Variants in CCDC91 observed in about 807,000 individuals in gnomAD.
The protein encoded by CCDC91 is coiled-coil domain-containing protein 91.
Under a neutral mutation model 63.2 loss-of-function variants are expected in CCDC91, and 48 were observed. The observed-to-expected ratio is 0.76, with a 90% CI of 0.60 to 0.97. The LOEUF is 0.97. CCDC91 is among the 50% of genes least tolerant of loss of function. The probability of loss-of-function intolerance (pLI) is 0.00; values close to 1 mark genes in which losing one functional copy is unlikely to be tolerated. For synonymous variants in CCDC91, 167 were observed against 165.8 expected, an observed-to-expected ratio of 1.01 and a Z score of -0.06; for missense variants, 500 against 494.6, an observed-to-expected ratio of 1.01 and a Z score of -0.10.
chr12:28,529,109 C>T (rs1257622800), intron 12 of CCDC91, among the ~76,000 whole-genome samples: 4 of 152,086 alleles, frequency 2.6e-5, no homozygotes, highest in African/African-American at 9.7e-5. Flanking sequence ...AGAGATTATG[C>T]TTCCTACTTT....
At chr12:28,315,818 T>A (rs1029884382) in intron 6 of CCDC91, among the ~76,000 whole-genome samples, 3 of 151,726 alleles carry the variant, frequency 2.0e-5, no homozygotes, top group African/African-American at 7.3e-5. Flanking sequence ...TTTTTTTTTT[T>A]AATCCTTGTA....
intron 6 of CCDC91, among the ~76,000 whole-genome samples, chr12:28,357,847 C>T (rs2138434449): frequency 6.6e-6 from 1 of 152,220 alleles, no homozygotes; most frequent in African/African-American, 2.4e-5. Context: ...TTGCTTTTGT[C>T]ATCTCTTTCT....
At position 28,202,573 on chromosome 12, in the gene CCDC91, A is replaced by G. The variant is rs113472764; in HGVS notation, c.-15+11932A>G. Among the ~76,000 whole-genome samples the G allele has an allele frequency of 1.0e-3, 158 of 152,330 alleles. 1 individual carries two copies. The highest frequency in any genetic ancestry group is 3.4e-3 in the African/African-American group (141 of 41,566). ...GTTATTTCCCTAATGCTTGGAAGCA[A>G]TGAGTCTCCCAGCCTTTGCTGGTGG... is the stretch of plus-strand genomic sequence containing the variant. On this transcript the variant is annotated intron_variant, in intron 1 of 12. Transcript: ENST00000536442.
chr12:28,447,282 A>T (rs1482115268), intron 8 of CCDC91, among the ~76,000 whole-genome samples: 1 of 152,074 alleles, frequency 6.6e-6, no homozygotes, highest in Non-Finnish European at 1.5e-5. Context: ...GCTATATACT[A>T]TAGAGTTCCA....
At chr12:28,505,598 G>C (rs536616846) in intron 12 of CCDC91, 1 of 152,050 alleles carries the variant, frequency 6.6e-6, no homozygotes, top group Admixed American at 6.6e-5. Context: ...TACTACTGCT[G>C]CACTCCTCTC....
At chr12:28,195,372 C>T (rs1191297204) in intron 1 of CCDC91, among the ~76,000 whole-genome samples, 1 of 151,780 alleles carries the variant, frequency 6.6e-6, no homozygotes, top group African/African-American at 2.4e-5. Context: ...CATTTACAAT[C>T]CTTTAGCTAG....
In CCDC91 at chr12:28,306,807, A is replaced by C; in HGVS notation, c.333A>C (p.Lys111Asn). The C allele has an allele frequency of 6.2e-7, 1 of 1,612,370 alleles. No individual in the cohort carries two copies. The highest frequency in any genetic ancestry group is 8.5e-7 in the Non-Finnish European group (1 of 1,178,812). ...SLFPLGLTDE[K>N]SNGTIALVDD... ...TTCCATTGGGTTTAACTGATGAAAA[A>C]AGTAATGGAACAATTGCCCTTGTGG... The change falls in exon 5 of 13, where the codon AAA becomes AAC. Residue 111 changes from lysine (K) to asparagine (N), a missense_variant. Transcript: ENST00000536442.
intron 8 of CCDC91, among the ~76,000 whole-genome samples, chr12:28,394,523 A>G (rs1405291953): frequency 3.3e-5 from 5 of 152,120 alleles, no homozygotes; most frequent in African/African-American, 1.2e-4. Flanking sequence ...GTATGTATTA[A>G]TAACATCATG....
chr12:28,524,196 G>T (rs946667750), intron 12 of CCDC91, among the ~76,000 whole-genome samples: 1 of 152,074 alleles, frequency 6.6e-6, no homozygotes, highest in Non-Finnish European at 1.5e-5. Flanking sequence ...GCCTTGTCTT[G>T]TTCCAGTTCT....
chr12:28,510,256 T>A (rs1265115519), intron 12 of CCDC91, among the ~76,000 whole-genome samples: 12 of 151,660 alleles, frequency 7.9e-5, no homozygotes, highest in Non-Finnish European at 1.5e-5. Flanking sequence ...TGTGTGTGTG[T>A]GTAGAAAGAG....
chr12:28,201,348 C>T (rs1103004), intron 1 of CCDC91, among the ~76,000 whole-genome samples: 5 of 148,896 alleles, frequency 3.4e-5, no homozygotes, highest in African/African-American at 7.4e-5. Flanking sequence ...ACCTCCCAGA[C>T]GGGGTCGCGG....
chr12:28,201,722 C>T (rs1432103482), intron 1 of CCDC91, among the ~76,000 whole-genome samples: 1 of 143,078 alleles, frequency 7.0e-6, no homozygotes, highest in African/African-American at 2.5e-5. Flanking sequence ...TGCCACTGCA[C>T]TCCAGCCTGG....
In CCDC91 at chr12:28,542,576, C is replaced by T. The variant is rs1287292082; in HGVS notation, c.1216-6487C>T. 3.9e-5 allele frequency among the ~76,000 whole-genome samples: 6 copies of T among 152,014 alleles called. No homozygotes were observed. In the East Asian group the frequency reaches 9.7e-4, roughly 24 times the overall value. ...AAGAGGTTAGGCCTAAATTTTCTGA[C>T]GTTCAAAGTTAAGGCACCCAGCACT... On this transcript the variant is annotated intron_variant, in intron 12 of 12. Coordinates refer to ENST00000536442, the MANE Select transcript of CCDC91 (RefSeq NM_018318.5).
At chr12:28,213,353 T>A (rs2135547795) in intron 1 of CCDC91, among the ~76,000 whole-genome samples, 1 of 152,314 alleles carries the variant, frequency 6.6e-6, no homozygotes, top group Non-Finnish European at 1.5e-5. Context: ...TGAAGACATG[T>A]ACTACACTCT....
At chr12:28,211,859 C>A (rs184550552) in intron 1 of CCDC91, among the ~76,000 whole-genome samples, 1 of 151,930 alleles carries the variant, frequency 6.6e-6, no homozygotes, top group African/African-American at 2.4e-5. Context: ...AATTTTATAA[C>A]CCCTACAATA....
intron 3 of CCDC91, among the ~76,000 whole-genome samples, chr12:28,273,068 C>G (rs1405168061): frequency 1.3e-5 from 2 of 150,714 alleles, no homozygotes; most frequent in African/African-American, 4.9e-5. Flanking sequence ...CAGTTCCCAC[C>G]TATGAGTGAG....
intron 3 of CCDC91, among the ~76,000 whole-genome samples, chr12:28,273,319 T>A (rs1947920514): frequency 6.6e-6 from 1 of 152,184 alleles, no homozygotes; most frequent in Admixed American, 6.5e-5. Flanking sequence ...CATGTCTTTA[T>A]AGCAGCATGA....
chr12:28,262,520 A>G (rs563971310), intron 3 of CCDC91, among the ~76,000 whole-genome samples: 14 of 152,130 alleles, frequency 9.2e-5, no homozygotes, highest in South Asian at 4.1e-4. Context: ...TGTATTTCTT[A>G]AAGTGTCTGT....
At position 28,457,442 on chromosome 12, in the gene CCDC91, A is replaced by G. The variant is rs139818523; in HGVS notation, c.1101+4788A>G. Among the ~76,000 whole-genome samples the G allele has an allele frequency of 5.3e-5, 8 of 150,430 alleles. No individual in the cohort carries two copies. The East Asian group carries it at 1.6e-3, about 29-fold the overall frequency. On this transcript the variant is annotated intron_variant, in intron 11 of 12. Coordinates refer to ENST00000536442, the MANE Select transcript of CCDC91 (RefSeq NM_018318.5). ...TAGCAGTTAATATCTTTCTTTGTCT[A>G]CTAAGTCACAGTAGAAATTAGGAAA...
Sources: allele counts gnomAD v4.1 joint callset (sites outside exome capture counted in the v4.1 genomes callset), GRCh38; gene constraint gnomAD v4.1.1; transcripts MANE v1.5; gene names NCBI Gene and HGNC (gene_info 2026-07-23, HGNC 2026-07-21).